The following TAF3 variants were observed in gnomAD, a reference collection of about 807,000 sequenced individuals.
The protein encoded by TAF3 is transcription initiation factor TFIID subunit 3.
TAF3 carries 7 observed loss-of-function variants against 80.6 expected under a neutral mutation model. The ratio of observed to expected loss-of-function variants is 0.09; its 90% CI spans 0.05 to 0.16. TAF3 has a LOEUF of 0.16. Ranked by LOEUF, TAF3 falls within the 10% of genes least tolerant of loss-of-function variation. TAF3 has a pLI of 1.00. For synonymous variants in TAF3, 444 were observed against 446.1 expected (o/e 1.00, Z 0.06); for missense variants, 921 against 1,140.2 (o/e 0.81, Z 2.77).
chr10:7,821,673 A>G (rs1468047252), intron 1 of TAF3, among the ~76,000 whole-genome samples: 1 of 152,262 alleles, frequency 6.6e-6, no homozygotes, highest in Admixed American at 6.5e-5. Flanking sequence ...TATGTTAAAT[A>G]TGTTGGCATG....
chr10:7,894,288 G>A (rs1361318519), intron 2 of TAF3, among the ~76,000 whole-genome samples: 1 of 152,116 alleles, frequency 6.6e-6, no homozygotes, highest in Non-Finnish European at 1.5e-5. Flanking sequence ...TCGGCCCTCA[G>A]GGAACATAGC....
chr10:7,917,796 T>G (rs1329304851), intron 2 of TAF3, among the ~76,000 whole-genome samples: 2 of 152,148 alleles, frequency 1.3e-5, no homozygotes, highest in Non-Finnish European at 2.9e-5. Context: ...GAAATACTTT[T>G]GAAGTTATAT....
chr10:7,836,438 C>A (rs1321414473), intron 2 of TAF3, among the ~76,000 whole-genome samples: 3 of 152,118 alleles, frequency 2.0e-5, no homozygotes, highest in Non-Finnish European at 4.4e-5. Flanking sequence ...CCAAGCCCAG[C>A]TAATTTTGTA....
intron 4 of TAF3, among the ~76,000 whole-genome samples, chr10:8,006,700 A>G (rs1353198152): frequency 2.0e-5 from 3 of 152,224 alleles, no homozygotes; most frequent in African/African-American, 7.2e-5. Context: ...TTATGAATTT[A>G]TGATCAGAAT....
intron 2 of TAF3, among the ~76,000 whole-genome samples, chr10:7,938,314 G>A (rs1281937870): frequency 6.6e-6 from 1 of 152,100 alleles, no homozygotes; most frequent in Non-Finnish European, 1.5e-5. Context: ...CACTGCGCAG[G>A]AGGACAGGGT....
chr10:7,877,990 G>A (rs988205320), intron 2 of TAF3, among the ~76,000 whole-genome samples: 11 of 152,126 alleles, frequency 7.2e-5, no homozygotes, highest in African/African-American at 2.2e-4. Context: ...GAGTAGACGC[G>A]TACTTTGCAA....
intron 2 of TAF3, among the ~76,000 whole-genome samples, chr10:7,942,655 G>C (rs1016736789): frequency 1.3e-5 from 2 of 152,170 alleles, no homozygotes; most frequent in African/African-American, 4.8e-5. Context: ...CTTGTTAGGG[G>C]TTGCAAACAC....
intron 5 of TAF3, among the ~76,000 whole-genome samples, chr10:8,012,750 C>T (rs1350799375): frequency 6.6e-6 from 1 of 152,184 alleles, no homozygotes; most frequent in East Asian, 1.9e-4. Flanking sequence ...AAGCCCATCA[C>T]TACAGTGAAA....
At chr10:7,828,100 T>G (rs1426518427) in intron 2 of TAF3, among the ~76,000 whole-genome samples, 1 of 152,142 alleles carries the variant, frequency 6.6e-6, no homozygotes, top group African/African-American at 2.4e-5. Flanking sequence ...CTGCATTCAG[T>G]GGCACACCCA....
intron 2 of TAF3, among the ~76,000 whole-genome samples, chr10:7,869,861 A>G (rs1393441016): frequency 6.6e-6 from 1 of 152,218 alleles, no homozygotes; most frequent in African/African-American, 2.4e-5. Flanking sequence ...ATTTATGTTT[A>G]TAAACTATTT....
At position 8,009,379 on chromosome 10, in the gene TAF3, A is replaced by C. The variant is rs767965586; in HGVS notation, c.2568+49A>C. ...TTAGCATGGAGACGTTTTCAGATCG[A>C]GACAAGTGTGTGCTCTGAATCACTA... On this transcript the variant is annotated intron_variant, in intron 5 of 6. Coordinates refer to ENST00000344293, the MANE Select transcript of TAF3 (RefSeq NM_031923.4). This position sits in a 1 kb window ranked among gnomAD's most constrained non-coding sequence, Gnocchi z 4.1. The C allele has an allele frequency of 6.4e-7, 1 of 1,550,536 alleles. No homozygotes were observed. The highest frequency in any genetic ancestry group is 1.8e-5 in the Admixed American group (1 of 54,730).
chr10:7,838,183 G>A (rs999774782), intron 2 of TAF3, among the ~76,000 whole-genome samples: 8 of 152,180 alleles, frequency 5.3e-5, no homozygotes, highest in Non-Finnish European at 1.0e-4. Flanking sequence ...TCCGTTCAGT[G>A]CTGTGTGTAT....
chr10:7,903,963 T>A (rs1837583243), intron 2 of TAF3, among the ~76,000 whole-genome samples: 1 of 152,180 alleles, frequency 6.6e-6, no homozygotes, highest in African/African-American at 2.4e-5. Flanking sequence ...TGTAGGTATC[T>A]GGAAAACAGA....
At chr10:7,966,588 ATC>A (rs1439538031) in intron 3 of TAF3, among the ~76,000 whole-genome samples, 2 of 152,204 alleles carry the variant, frequency 1.3e-5, no homozygotes, top group Non-Finnish European at 2.9e-5. Context: ...CCGAAAAAGT[ATC>A]TCTTCATAGT....
intron 2 of TAF3, among the ~76,000 whole-genome samples, chr10:7,873,629 C>CCCCT (rs373179493): frequency 2.8e-5 from 4 of 143,202 alleles, no homozygotes; most frequent in Non-Finnish European, 6.1e-5. Context: ...CCCCCCCCCC[C>CCCCT]GTCAAAAGGG....
intron 4 of TAF3, 133 bp downstream of exon 4, chr10:7,977,456 C>T (rs1264181790): frequency 1.4e-6 from 1 of 719,480 alleles, no homozygotes; most frequent in African/African-American, 1.8e-5. Flanking sequence ...TTTTAGAACT[C>T]TTCGTTTTCA....
At chr10:8,001,902 A>G (rs1025630047) in intron 4 of TAF3, among the ~76,000 whole-genome samples, 1 of 152,126 alleles carries the variant, frequency 6.6e-6, no homozygotes, top group African/African-American at 2.4e-5. Flanking sequence ...TTCAGTCTCT[A>G]CCTCCAACAA....
intron 2 of TAF3, among the ~76,000 whole-genome samples, chr10:7,904,143 C>T (rs900933060): frequency 2.0e-5 from 3 of 151,804 alleles, no homozygotes; most frequent in African/African-American, 7.3e-5. Flanking sequence ...CTGAATTCAG[C>T]GGCAGCGAGA....
In TAF3 at chr10:7,898,157, T is replaced by A. The variant is rs117638531; in HGVS notation, c.410-65763T>A. Among the ~76,000 whole-genome samples, 106 of 152,326 alleles carry A rather than the reference T, an allele frequency of 7.0e-4. No homozygotes were observed. In the East Asian group the frequency reaches 0.02, roughly 29 times the overall value. ...AAGTAATAGAATATGGAAGTACAAATGGCTTCAACAGTAATAATTCATTTT... is the reference window on the plus strand; with the variant it reads ...AAGTAATAGAATATGGAAGTACAAAAGGCTTCAACAGTAATAATTCATTTT... On this transcript the variant is annotated intron_variant, in intron 2 of 6. Coordinates refer to ENST00000344293, the MANE Select transcript of TAF3 (RefSeq NM_031923.4).
Sources: gnomAD v4.1 joint callset for allele counts (sites outside exome capture counted in the v4.1 genomes callset) on GRCh38, gnomAD v4.1.1 for gene constraint, Gnocchi (gnomAD v3.1) non-coding constraint, MANE v1.5 for transcripts, NCBI Gene and HGNC (gene_info 2026-07-23, HGNC 2026-07-21) for gene names.